The following CIT variants were observed in gnomAD, a reference collection of about 807,000 sequenced individuals.
CIT encodes the protein citron Rho-interacting kinase.
CIT carries 79 observed loss-of-function variants against 272.7 expected under a neutral mutation model. That is an observed-to-expected ratio of 0.29 (90% CI 0.24 to 0.35). The LOEUF is 0.35. Ranked by LOEUF, CIT falls within the 10% of genes least tolerant of loss-of-function variation. The pLI is 1.00. For missense variants in CIT, 1,909 were observed against 2,618.3 expected (o/e 0.73, Z 5.91); for synonymous variants, 948 against 995.6 (o/e 0.95, Z 0.90).
intron 4 of CIT, among the ~76,000 whole-genome samples, chr12:119,854,653 T>G (rs1970462932): frequency 6.6e-6 from 1 of 151,364 alleles, no homozygotes; most frequent in Non-Finnish European, 1.5e-5. Context: ...AACAATGTTT[T>G]TAAAATAATA....
chr12:119,868,128 T>C (rs1442157546), intron 3 of CIT, among the ~76,000 whole-genome samples: 2 of 151,766 alleles, frequency 1.3e-5, no homozygotes, highest in Non-Finnish European at 2.9e-5. Flanking sequence ...GCCACTGGGG[T>C]GGAAGGATTG....
At chr12:119,704,986 C>G (rs1334818915) in intron 40 of CIT, among the ~76,000 whole-genome samples, 1 of 152,206 alleles carries the variant, frequency 6.6e-6, no homozygotes, top group Non-Finnish European at 1.5e-5. Context: ...GATCTCGGCT[C>G]ACTGCAGCCT....
intron 5 of CIT, among the ~76,000 whole-genome samples, chr12:119,838,221 C>T (rs1298499857): frequency 6.6e-6 from 1 of 151,960 alleles, no homozygotes; most frequent in Non-Finnish European, 1.5e-5. Context: ...TACAGGCATG[C>T]GCCACCATGC....
intron 28 of CIT, among the ~76,000 whole-genome samples, chr12:119,722,083 T>G (rs1957836575): frequency 6.6e-6 from 1 of 152,202 alleles, no homozygotes; most frequent in Non-Finnish European, 1.5e-5. Context: ...TTCAATTAAG[T>G]ATATTGAAAA....
Position 119,710,199 on chromosome 12 carries a change from A to G in CIT, c.5071+52T>C. The G allele has an allele frequency of 1.3e-6, 2 of 1,591,118 alleles. No homozygotes were observed. Among genetic ancestry groups the G allele is most frequent in the Non-Finnish European group, 8.5e-7 (1 of 1,170,192 alleles). ...TACGAGCATGAAACGTGGCTTCAAC[A>G]TATTGGCTCCCTTGAAAGTAAAGAA... On this transcript the variant is annotated intron_variant, in intron 39 of 47. Transcript: ENST00000392521. The surrounding 1 kb of genome is among the most constrained non-coding windows in gnomAD (Gnocchi z 5.6).
intron 19 of CIT, among the ~76,000 whole-genome samples, chr12:119,761,953 C>T (rs1453650716): frequency 6.6e-6 from 1 of 152,132 alleles, no homozygotes; most frequent in Non-Finnish European, 1.5e-5. Context: ...AGAACATGCC[C>T]AAGCCTTTGA....
intron 3 of CIT, among the ~76,000 whole-genome samples, chr12:119,864,216 C>T (rs1014950486): frequency 1.3e-5 from 2 of 152,116 alleles, no homozygotes; most frequent in Non-Finnish European, 2.9e-5. Flanking sequence ...GAATATAGCT[C>T]AAATGGTAGT....
intron 2 of CIT, among the ~76,000 whole-genome samples, chr12:119,875,483 C>T (rs981340101): frequency 2.0e-5 from 3 of 152,162 alleles, no homozygotes; most frequent in Admixed American, 1.3e-4. Context: ...GTGGCTCACA[C>T]CTATAACCCC....
At position 119,712,751 on chromosome 12, in the gene CIT, G is replaced by T; in HGVS notation, c.4580-56C>A. On this transcript the variant is annotated intron_variant, in intron 35 of 47. Coordinates refer to ENST00000392521, the MANE Select transcript of CIT (RefSeq NM_001206999.2). This position sits in a 1 kb window ranked among gnomAD's most constrained non-coding sequence, Gnocchi z 5.2. Reference sequence around the variant, plus strand: ...AACAAAAGAACAGGAACAAGAACAAGGGGAGAAGAGAGAGCGAGAGAGACA... The same window carrying T: ...AACAAAAGAACAGGAACAAGAACAATGGGAGAAGAGAGAGCGAGAGAGACA... The T allele has an allele frequency of 7.0e-7, 1 of 1,431,418 alleles. No individual in the cohort carries two copies. Among genetic ancestry groups the T allele is most frequent in the Non-Finnish European group, 9.9e-7 (1 of 1,015,212 alleles). 88.7% of individuals were successfully genotyped at this position (1,431,418 alleles called of 1,614,324 possible).
chr12:119,728,466 T>C lies in CIT; in HGVS notation c.3591+36A>G, dbSNP rs1958249257. 1 of 1,371,524 alleles carries C rather than the reference T, an allele frequency of 7.3e-7. No homozygotes were observed. The highest frequency in any genetic ancestry group is 1.8e-4 in the Middle Eastern group (1 of 5,426). 85.0% of individuals were successfully genotyped at this position (1,371,524 alleles called of 1,614,324 possible). A position where few individuals can be genotyped will look rare whatever the true frequency, so the allele number is the denominator to read the frequency against. ...GAAGCCTATTAAAAGAAAAAAAAAA[T>C]CCACTTGGCCCTTCTCCCAGGTATT... On this transcript the variant is annotated intron_variant, in intron 28 of 47. Coordinates refer to ENST00000392521, the MANE Select transcript of CIT (RefSeq NM_001206999.2). This position sits in a 1 kb window ranked among gnomAD's most constrained non-coding sequence, Gnocchi z 4.3.
Position 119,752,134 on chromosome 12 carries a change from C to A in CIT, c.2820G>T (p.Ala940=). 6.2e-7 allele frequency: 1 copy of A among 1,613,028 alleles called. No individual in the cohort carries two copies. Among genetic ancestry groups the A allele is most frequent in the South Asian group, 1.1e-5 (1 of 91,026 alleles). ...SQLTALQAAR[A]ALESQLRQAK... The stretch of plus-strand genomic sequence containing the variant: ...CCTGGCGAAGCTGGCTCTCCAGGGC[C>A]GCCCGTGCAGCCTGCAGGGCTGTCA... The change falls in exon 23 of 48, where the codon GCG becomes GCT. Residue 940 remains alanine, a synonymous_variant. Coordinates refer to ENST00000392521, the MANE Select transcript of CIT (RefSeq NM_001206999.2).
At chr12:119,826,670 C>A (rs1968188814) in intron 7 of CIT, among the ~76,000 whole-genome samples, 1 of 152,168 alleles carries the variant, frequency 6.6e-6, no homozygotes, top group Non-Finnish European at 1.5e-5. Context: ...AGTGTGTTGG[C>A]CAGCTGTCCT....
At chr12:119,723,034 G>A (rs1284967431) in intron 28 of CIT, among the ~76,000 whole-genome samples, 2 of 151,414 alleles carry the variant, frequency 1.3e-5, no homozygotes, top group African/African-American at 2.4e-5. Flanking sequence ...CAGCCTGGGC[G>A]ACAGAGCAAG....
At chr12:119,839,938 C>G (rs1043025173) in intron 5 of CIT, among the ~76,000 whole-genome samples, 1 of 152,118 alleles carries the variant, frequency 6.6e-6, no homozygotes, top group Non-Finnish European at 1.5e-5. Context: ...TAACCAGAAA[C>G]TAACTATAGC....
intron 18 of CIT, among the ~76,000 whole-genome samples, chr12:119,769,970 G>T (rs1486716295): frequency 1.3e-5 from 2 of 152,010 alleles, no homozygotes; most frequent in African/African-American, 4.8e-5. Flanking sequence ...CCTTAGGGTG[G>T]AGAGGAATGA....
intron 10 of CIT, among the ~76,000 whole-genome samples, chr12:119,789,864 C>T (rs573704185): frequency 1.2e-3 from 180 of 151,842 alleles, no homozygotes; most frequent in African/African-American, 3.9e-3. Flanking sequence ...CGCCACCACG[C>T]CCAGCAAATT....
intron 9 of CIT, among the ~76,000 whole-genome samples, chr12:119,815,037 CAAA>C (rs140981194): frequency 6.8e-5 from 4 of 58,882 alleles, no homozygotes; most frequent in East Asian, 4.9e-4. Context: ...GACTCTGTCT[CAAA>C]AAAAAAAAAA....
chr12:119,788,715 G>T (rs1965024803), intron 10 of CIT, among the ~76,000 whole-genome samples: 1 of 152,094 alleles, frequency 6.6e-6, no homozygotes, highest in Non-Finnish European at 1.5e-5. Flanking sequence ...GGGCCCAGAA[G>T]CGAGGAGATG....
chr12:119,722,988 G>A (rs1009974313), intron 28 of CIT, among the ~76,000 whole-genome samples: 11 of 152,096 alleles, frequency 7.2e-5, no homozygotes, highest in Non-Finnish European at 1.2e-4. Flanking sequence ...CCATGAGTTC[G>A]AAGTGGCAAT....
Sources: gnomAD v4.1 joint callset for allele counts (sites outside exome capture counted in the v4.1 genomes callset) on GRCh38, gnomAD v4.1.1 for gene constraint, Gnocchi (gnomAD v3.1) non-coding constraint, MANE v1.5 for transcripts, NCBI Gene and HGNC (gene_info 2026-07-23, HGNC 2026-07-21) for gene names.